Variants in DNAH11 observed in about 807,000 individuals in gnomAD.
DNAH11 encodes the protein dynein axonemal heavy chain 11.
A neutral mutation model predicts 526.0 loss-of-function variants in DNAH11; 442 were observed. That is an observed-to-expected ratio of 0.84 (90% CI 0.78 to 0.91). The LOEUF (loss-of-function observed/expected upper bound fraction) is 0.91. DNAH11 is among the 40% of genes least tolerant of loss of function. DNAH11 has a pLI of 0.00. For synonymous variants in DNAH11, 2,461 were observed against 1,935.9 expected (o/e 1.27, Z -7.12); for missense variants, 6,989 against 5,448.7 (o/e 1.28, Z -8.90).
chr7:21,571,872 G>A lies in DNAH11; in HGVS notation c.1492G>A (p.Ala498Thr), dbSNP rs748759697. 6.2e-7 allele frequency: 1 copy of A among 1,613,128 alleles called. No homozygotes were observed. Among genetic ancestry groups the A allele is most frequent in the South Asian group, 1.1e-5 (1 of 90,924 alleles). ...ACTGGAATTTGGTGGTACCAAAGGA[G>A]CAATTTTAAATGGACAAGTCCACGA... ...ERLEFGGTKG[A>T]ILNGQVHEMS... Residue 498 changes from alanine (A) to threonine (T), a missense_variant, in exon 8 of 82, where the codon GCA becomes ACA. Transcript: ENST00000409508.
At chr7:21,582,817 T>C (rs1784361096) in intron 9 of DNAH11, among the ~76,000 whole-genome samples, 1 of 152,178 alleles carries the variant, frequency 6.6e-6, no homozygotes, top group Admixed American at 6.6e-5. Flanking sequence ...ATATAATTCA[T>C]TGAGAATGGC....
At chr7:21,739,906 T>G (rs1357115672) in intron 48 of DNAH11, among the ~76,000 whole-genome samples, 1 of 152,178 alleles carries the variant, frequency 6.6e-6, no homozygotes, top group East Asian at 1.9e-4. Flanking sequence ...TACAAATAAT[T>G]CCTATGTACT....
At chr7:21,789,457 G>A (rs1554281290) in intron 61 of DNAH11, 115 bp downstream of exon 61, 2 of 632,062 alleles carry the variant, frequency 3.2e-6, no homozygotes, top group South Asian at 4.5e-5. Context: ...AAAGGAATTC[G>A]ATCTTCCATG....
chr7:21,752,538 C>G (rs1786458227), intron 54 of DNAH11, among the ~76,000 whole-genome samples: 1 of 151,998 alleles, frequency 6.6e-6, no homozygotes, highest in East Asian at 1.9e-4. Context: ...TTTTGTTTGT[C>G]TTTTAAATGT....
chr7:21,552,155 G>T (rs1191721806), intron 2 of DNAH11, among the ~76,000 whole-genome samples: 1 of 152,174 alleles, frequency 6.6e-6, no homozygotes, highest in Non-Finnish European at 1.5e-5. Flanking sequence ...CTGGTCCATT[G>T]TCACATACAC....
chr7:21,900,887 G>A, intron 81 of DNAH11, 120 bp from the exon 82 acceptor site: 1 of 1,466,800 alleles, frequency 6.8e-7, no homozygotes, highest in Non-Finnish European at 9.0e-7. Context: ...AAATACCACT[G>A]ACAAGCAAAA....
At chr7:21,700,123 C>T (rs573627940) in intron 36 of DNAH11, among the ~76,000 whole-genome samples, 2 of 152,156 alleles carry the variant, frequency 1.3e-5, no homozygotes, top group Non-Finnish European at 2.9e-5. Flanking sequence ...AACAACCTGT[C>T]CCAAGTCCAT....
At chr7:21,632,673 C>T (rs974053096) in intron 25 of DNAH11, among the ~76,000 whole-genome samples, 6 of 152,180 alleles carry the variant, frequency 3.9e-5, no homozygotes, top group African/African-American at 1.4e-4. Flanking sequence ...TCTGAGACCA[C>T]CTCAGCCTGG....
At chr7:21,707,111 C>G (rs1458204588) in intron 39 of DNAH11, among the ~76,000 whole-genome samples, 1 of 152,172 alleles carries the variant, frequency 6.6e-6, no homozygotes, top group Non-Finnish European at 1.5e-5. Flanking sequence ...AGCTCCTTCC[C>G]CCTTCTTCCC....
chr7:21,602,271 G>A (rs574209679), intron 18 of DNAH11, among the ~76,000 whole-genome samples: 7 of 152,234 alleles, frequency 4.6e-5, no homozygotes, highest in Non-Finnish European at 7.4e-5. Flanking sequence ...CTCGGGAGGT[G>A]AAGGTTGCAG....
At chr7:21,551,336 C>T (rs1419787987) in intron 2 of DNAH11, among the ~76,000 whole-genome samples, 1 of 152,180 alleles carries the variant, frequency 6.6e-6, no homozygotes, top group Non-Finnish European at 1.5e-5. Flanking sequence ...CTATAGTGTT[C>T]CCTTTTTGAT....
chr7:21,618,908 C>T lies in DNAH11; in HGVS notation c.4255-192C>T, dbSNP rs1288820312. Among the ~76,000 whole-genome samples the T allele has an allele frequency of 2.0e-5, 3 of 152,166 alleles. 1 individual carries two copies. The highest frequency in any genetic ancestry group is 7.2e-5 in the African/African-American group (3 of 41,430). On this transcript the variant is annotated intron_variant, in intron 23 of 81. Coordinates refer to ENST00000409508, the MANE Select transcript of DNAH11 (RefSeq NM_001277115.2). Reference sequence around the variant, plus strand: ...TGTGACTAAACTGTGGCCCTTGCTTCCGGCAGGTGACGCCTCAGGAATTGT... The same window carrying T: ...TGTGACTAAACTGTGGCCCTTGCTTTCGGCAGGTGACGCCTCAGGAATTGT...
intron 30 of DNAH11, among the ~76,000 whole-genome samples, chr7:21,660,633 T>G (rs1782203214): frequency 6.6e-6 from 1 of 151,214 alleles, no homozygotes; most frequent in South Asian, 2.1e-4. Flanking sequence ...GAAAAATTAT[T>G]AACATTTTGG....
chr7:21,732,809 C>T (rs1442486941), intron 45 of DNAH11, among the ~76,000 whole-genome samples: 1 of 152,210 alleles, frequency 6.6e-6, no homozygotes, highest in Non-Finnish European at 1.5e-5. Context: ...CTAGTGGTTC[C>T]AGAAGACAAC....
intron 54 of DNAH11, among the ~76,000 whole-genome samples, chr7:21,764,518 C>T (rs563862768): frequency 1.5e-4 from 23 of 152,258 alleles, no homozygotes; most frequent in Middle Eastern, 3.4e-3. Context: ...CAGTTCTCTT[C>T]CCAGTGTCCT....
intron 42 of DNAH11, among the ~76,000 whole-genome samples, chr7:21,716,522 A>G (rs1225294946): frequency 2.0e-5 from 3 of 152,206 alleles, no homozygotes; most frequent in Non-Finnish European, 4.4e-5. Flanking sequence ...ACCAAGTAGC[A>G]TATCCAGGCA....
In DNAH11 at chr7:21,687,390, C is replaced by T. The variant is rs777060694; in HGVS notation, c.5787C>T (p.Gly1929=). Residue 1929 remains glycine (G), a synonymous_variant, in exon 34 of 82, where the codon GGC becomes GGT. Transcript: ENST00000409508. The stretch of plus-strand genomic sequence containing the variant: ...CTCACTTTATCATTTAGTCCATAGG[C>T]AATATCTATAAGGGATTGGTGCAGA... ...CSEQMDYKSI[G]NIYKGLVQTG... 2.7e-5 allele frequency: 44 copies of T among 1,610,466 alleles called. No individual in the cohort carries two copies. The highest frequency in any genetic ancestry group is 2.6e-5 in the Non-Finnish European group (31 of 1,178,328).
rs1031071667 is a variant in DNAH11 at position 21,652,074 on chromosome 7, A to G, written c.4945-3758A>G. ...TGAAAATTGATAATGCTAGAAGCAA[A>G]AATGGAATCAAACATAGATGGGAGT... On this transcript the variant is annotated intron_variant, in intron 28 of 81. Transcript: ENST00000409508. 1.1e-4 allele frequency among the ~76,000 whole-genome samples: 16 copies of G among 152,252 alleles called. No individual in the cohort carries two copies. The highest frequency in any genetic ancestry group is 9.8e-4 in the Admixed American group (15 of 15,292).
chr7:21,603,993 G>A (rs17144776), intron 18 of DNAH11, among the ~76,000 whole-genome samples: 1,713 of 152,270 alleles, frequency 0.011, 56 homozygotes, highest in South Asian at 0.072. Flanking sequence ...CTTGTCAGGA[G>A]GGAAAATAAG....
Sources: allele counts gnomAD v4.1 joint callset (sites outside exome capture counted in the v4.1 genomes callset), GRCh38; gene constraint gnomAD v4.1.1; transcripts MANE v1.5; gene names NCBI Gene and HGNC (gene_info 2026-07-23, HGNC 2026-07-21).